Variants in TDRD10 observed in about 807,000 individuals in gnomAD.
TDRD10 encodes tudor domain containing 10.
A neutral mutation model predicts 48.0 loss-of-function variants in TDRD10; 40 were observed. The observed-to-expected ratio is 0.83, with a 90% CI of 0.65 to 1.09. TDRD10 has a LOEUF of 1.09. Among genes scored for constraint, TDRD10 ranks in the 50% least tolerant of loss-of-function variants. TDRD10 has a pLI of 0.00. For missense variants in TDRD10, 378 were observed against 434.7 expected (o/e 0.87, Z 1.16); for synonymous variants, 162 against 170.4 (o/e 0.95, Z 0.38).
intron 2 of TDRD10, 125 bp downstream of exon 2, chr1:154,507,030 C>T (rs937693449): frequency 5.0e-6 from 8 of 1,590,148 alleles, no homozygotes; most frequent in Non-Finnish European, 6.8e-6. Context: ...CCAGTTGATC[C>T]TAACTCTAAG....
At chr1:154,536,957 G>A (rs1694952296) in intron 6 of TDRD10, among the ~76,000 whole-genome samples, 1 of 152,202 alleles carries the variant, frequency 6.6e-6, no homozygotes, top group Admixed American at 6.5e-5. Flanking sequence ...AGGCCAGAAT[G>A]GAGGCAGGAA....
chr1:154,504,794 C>G (rs1233875927), intron 1 of TDRD10, among the ~76,000 whole-genome samples: 2 of 152,190 alleles, frequency 1.3e-5, no homozygotes, highest in South Asian at 2.1e-4. Flanking sequence ...ACAGATAAAG[C>G]CTGGCCAACA....
At chr1:154,505,533 C>T (rs972006997) in intron 1 of TDRD10, among the ~76,000 whole-genome samples, 9 of 152,124 alleles carry the variant, frequency 5.9e-5, no homozygotes, top group African/African-American at 2.2e-4. Flanking sequence ...TTGTTCCCTC[C>T]TACACCTGGG....
At chr1:154,539,672 G>A (rs1449599105) in intron 6 of TDRD10, among the ~76,000 whole-genome samples, 1 of 152,204 alleles carries the variant, frequency 6.6e-6, no homozygotes, top group Admixed American at 6.5e-5. Context: ...AGCTTAATAT[G>A]CACCAGGCAT....
At chr1:154,529,217 T>C (rs568620407) in intron 6 of TDRD10, among the ~76,000 whole-genome samples, 64 of 152,176 alleles carry the variant, frequency 4.2e-4, no homozygotes, top group African/African-American at 1.3e-3. Flanking sequence ...GTAGCTGGGA[T>C]TACAGGCATG....
chr1:154,547,289 G>T (rs45505299), intron 11 of TDRD10, 120 bp from the exon 12 acceptor site: 187 of 939,934 alleles, frequency 2.0e-4, no homozygotes, highest in Middle Eastern at 8.5e-4. Context: ...AGACTTGCTG[G>T]TTGGAGCTGG....
chr1:154,536,532 C>T (rs1167593957), intron 6 of TDRD10, among the ~76,000 whole-genome samples: 2 of 152,120 alleles, frequency 1.3e-5, no homozygotes, highest in Admixed American at 6.5e-5. Flanking sequence ...TTGAAGTATT[C>T]GATATACTTA....
chr1:154,525,769 C>T (rs2149331340), intron 6 of TDRD10, among the ~76,000 whole-genome samples: 1 of 152,108 alleles, frequency 6.6e-6, no homozygotes, highest in South Asian at 2.1e-4. Flanking sequence ...GTGGTGGGTG[C>T]CTGTAATCCC....
intron 4 of TDRD10, among the ~76,000 whole-genome samples, chr1:154,517,501 A>C (rs559766694): frequency 7.0e-6 from 1 of 142,186 alleles, no homozygotes; most frequent in Non-Finnish European, 1.5e-5. Context: ...GGCTCACTGC[A>C]CCCTCTGCCC....
Position 154,542,778 on chromosome 1 carries a change from GA to G in TDRD10, c.461del (p.Glu154GlyfsTer3). 6.2e-7 allele frequency: 1 copy of G among 1,614,012 alleles called. No individual in the cohort carries two copies. Among genetic ancestry groups the G allele is most frequent in the Non-Finnish European group, 8.5e-7 (1 of 1,179,924 alleles). On this transcript the variant is annotated frameshift_variant, in exon 8 of 13. Coordinates refer to ENST00000368482, the MANE Select transcript of TDRD10 (RefSeq NM_182499.4). LOFTEE classifies it high-confidence loss of function. Reference sequence around the variant, plus strand: ...AGCTCCTGTTGACCTGTGTGAGACAGAGAAACTGAGGGCAGCCTTCTTTGCA... The same window carrying G: ...AGCTCCTGTTGACCTGTGTGAGACAGGAAACTGAGGGCAGCCTTCTTTGCA... ...PKAPVDLCET[E>X]KLRAAFFAVP...
intron 4 of TDRD10, among the ~76,000 whole-genome samples, chr1:154,517,444 G>A (rs1483224657): frequency 3.4e-5 from 5 of 145,250 alleles, no homozygotes; most frequent in Non-Finnish European, 6.0e-5. Context: ...TTTTTGAGAC[G>A]GAGTCTCGTT....
chr1:154,537,199 C>G (rs1424159114), intron 6 of TDRD10, among the ~76,000 whole-genome samples: 1 of 152,196 alleles, frequency 6.6e-6, no homozygotes, highest in African/African-American at 2.4e-5. Flanking sequence ...GCACCCACCC[C>G]TGGCACCCTT....
rs187309512 is a variant in TDRD10 at position 154,544,703 on chromosome 1, T to C, written c.798-92T>C. The C allele has an allele frequency of 3.9e-6, 6 of 1,534,288 alleles. No homozygotes were observed. In the African/African-American group the frequency reaches 6.8e-5, roughly 17 times the overall value. ...GAGCAAACTCGCTCTTCCTCCCTCC[T>C]ACCTCCACTTTCACATCCACTTTGT... is the stretch of plus-strand genomic sequence containing the variant. On this transcript the variant is annotated intron_variant, in intron 10 of 12. Coordinates refer to ENST00000368482, the MANE Select transcript of TDRD10 (RefSeq NM_182499.4).
intron 6 of TDRD10, chr1:154,534,447 G>C (rs1694812144): frequency 6.6e-6 from 1 of 152,230 alleles, no homozygotes; most frequent in Non-Finnish European, 1.5e-5. Flanking sequence ...CGAGGTGGCA[G>C]TTTCTGACAA....
At chr1:154,508,217 A>G (rs1693255190) in intron 3 of TDRD10, among the ~76,000 whole-genome samples, 2 of 152,172 alleles carry the variant, frequency 1.3e-5, no homozygotes, top group African/African-American at 4.8e-5. Context: ...ATATTTTAAC[A>G]TTGAAGAAAA....
intron 6 of TDRD10, among the ~76,000 whole-genome samples, chr1:154,541,334 A>G (rs1030846869): frequency 1.3e-5 from 2 of 151,996 alleles, no homozygotes; most frequent in African/African-American, 4.8e-5. Flanking sequence ...GTCCTGTCTC[A>G]TTGCTTCCTG....
chr1:154,517,514 T>C (rs1444431107), intron 4 of TDRD10, among the ~76,000 whole-genome samples: 2 of 148,906 alleles, frequency 1.3e-5, no homozygotes, highest in Non-Finnish European at 3.0e-5. Context: ...CTCTGCCCCC[T>C]GGGGTTTAAG....
chr1:154,512,564 G>A (rs954775733), intron 4 of TDRD10, among the ~76,000 whole-genome samples: 1 of 152,088 alleles, frequency 6.6e-6, no homozygotes, highest in Non-Finnish European at 1.5e-5. Context: ...GGCTGGTCTT[G>A]AACCCCTGAC....
chr1:154,543,408 C>T (rs1486727763), intron 8 of TDRD10, among the ~76,000 whole-genome samples: 3 of 152,210 alleles, frequency 2.0e-5, no homozygotes, highest in South Asian at 2.1e-4. Context: ...GCTTTAACAG[C>T]GGATACCGTT....
Sources: gnomAD v4.1 joint callset for allele counts (sites outside exome capture counted in the v4.1 genomes callset) on GRCh38, gnomAD v4.1.1 for gene constraint, MANE v1.5 for transcripts, NCBI Gene and HGNC (gene_info 2026-07-23, HGNC 2026-07-21) for gene names.